MALT1: variants seen among roughly 807,000 people sequenced by gnomAD.
The protein encoded by MALT1 is MALT1 paracaspase.
In MALT1, 36 loss-of-function variants were observed where a neutral mutation model predicts 85.5. That is an observed-to-expected ratio of 0.42 (90% CI 0.32 to 0.56). MALT1 has a LOEUF of 0.56. MALT1 is among the 20% of genes least tolerant of loss of function. MALT1 has a pLI of 0.10. For synonymous variants in MALT1, 359 were observed against 361.3 expected, an observed-to-expected ratio of 0.99 and a Z score of 0.07; for missense variants, 716 against 981.6, an observed-to-expected ratio of 0.73 and a Z score of 3.62.
chr18:58,679,954 C>T (rs1186481127), intron 1 of MALT1, among the ~76,000 whole-genome samples: 4 of 151,866 alleles, frequency 2.6e-5, no homozygotes, highest in African/African-American at 7.3e-5. Flanking sequence ...GAGGCAGAGG[C>T]AGGATTATTG....
At chr18:58,710,410 G>A (rs1242290673) in intron 6 of MALT1, among the ~76,000 whole-genome samples, 4 of 152,154 alleles carry the variant, frequency 2.6e-5, no homozygotes, top group African/African-American at 7.2e-5. Flanking sequence ...TTGGCCAGGT[G>A]CAGTGGCTCA....
At chr18:58,713,707 C>G (rs1379240053) in intron 7 of MALT1, among the ~76,000 whole-genome samples, 1 of 152,192 alleles carries the variant, frequency 6.6e-6, no homozygotes. Flanking sequence ...TAGGAACTCT[C>G]TCTGCACTAC....
intron 13 of MALT1, 103 bp downstream of exon 13, chr18:58,735,432 G>T (rs2055210509): frequency 3.1e-6 from 4 of 1,288,266 alleles, no homozygotes; most frequent in Non-Finnish European, 4.1e-6. Flanking sequence ...CTTATTATGT[G>T]GGTTTGGAAT....
intron 13 of MALT1, among the ~76,000 whole-genome samples, chr18:58,740,424 T>G (rs1465372896): frequency 6.6e-6 from 1 of 152,172 alleles, no homozygotes; most frequent in Non-Finnish European, 1.5e-5. Context: ...TTTTTCCAAT[T>G]TAAGTTTCTA....
Position 58,744,344 on chromosome 18 carries a change from C to G in MALT1, c.1760C>G (p.Pro587Arg). The G allele has an allele frequency of 6.3e-7, 1 of 1,586,856 alleles. No homozygotes were observed. The highest frequency in any genetic ancestry group is 8.6e-7 in the Non-Finnish European group (1 of 1,167,396). The stretch of plus-strand genomic sequence containing the variant: ...TCTTATTGTTCTTTTTCAGAACTTC[C>G]AGAAAGTATGTGTCTTAAGTTTGAC... ...NLQWAKAHEL[P>R]ESMCLKFDCG... Residue 587 changes from proline (P) to arginine (R), a missense_variant, in exon 15 of 17, where the codon CCA becomes CGA. Around this residue, in one of 4 missense-constraint regions of MALT1, gnomAD observed 260 missense variants for 323.7 expected, o/e 0.80. Transcript: ENST00000649217.
intron 2 of MALT1, among the ~76,000 whole-genome samples, chr18:58,688,536 CAAAAA>C (rs552838701): frequency 3.3e-5 from 2 of 61,404 alleles, no homozygotes; most frequent in African/African-American, 4.7e-5. Flanking sequence ...CCTGTTTCTA[CAAAAA>C]AAAAAAAAAA....
At chr18:58,727,963 G>A (rs371857350) in intron 10 of MALT1, among the ~76,000 whole-genome samples, 4 of 149,296 alleles carry the variant, frequency 2.7e-5, no homozygotes, top group Admixed American at 1.3e-4. Flanking sequence ...TCTTGGAACC[G>A]TGCCTGGCAC....
chr18:58,739,783 C>T lies in MALT1; in HGVS notation c.1604-2082C>T, dbSNP rs556091662. 1.3e-3 allele frequency among the ~76,000 whole-genome samples: 189 copies of T among 146,316 alleles called. 1 individual carries two copies. Among genetic ancestry groups the T allele is most frequent in the Non-Finnish European group, 1.8e-3 (121 of 67,034 alleles). On this transcript the variant is annotated intron_variant, in intron 13 of 16. Transcript: ENST00000649217. The stretch of plus-strand genomic sequence containing the variant: ...CAATACCTTAAGTCAGTCCCTTCTT[C>T]TCACTGTCCCTCTATGTACACACAT...
At chr18:58,739,108 A>C (rs567810803) in intron 13 of MALT1, among the ~76,000 whole-genome samples, 2 of 152,252 alleles carry the variant, frequency 1.3e-5, no homozygotes, top group Admixed American at 1.3e-4. Context: ...CTTTTCTTTC[A>C]ATTTCTTAAT....
At chr18:58,694,587 T>A (rs898083940) in intron 2 of MALT1, among the ~76,000 whole-genome samples, 5 of 152,250 alleles carry the variant, frequency 3.3e-5, no homozygotes, top group African/African-American at 9.6e-5. Context: ...AATTACAACT[T>A]TTGCAAATGT....
intron 9 of MALT1, among the ~76,000 whole-genome samples, chr18:58,721,327 C>CT: frequency 6.6e-6 from 1 of 152,308 alleles, no homozygotes; most frequent in Admixed American, 6.5e-5. Flanking sequence ...TTGCAGTGAG[C>CT]TGAGATCATG....
At chr18:58,709,008 C>T (rs1362071070) in intron 4 of MALT1, among the ~76,000 whole-genome samples, 1 of 152,186 alleles carries the variant, frequency 6.6e-6, no homozygotes, top group African/African-American at 2.4e-5. Flanking sequence ...ATGCCAATAT[C>T]GTTCAAGATG....
At chr18:58,708,229 C>A (rs1020626872) in intron 4 of MALT1, among the ~76,000 whole-genome samples, 1 of 152,228 alleles carries the variant, frequency 6.6e-6, no homozygotes, top group African/African-American at 2.4e-5. Context: ...TCTCCTCCTT[C>A]GCCTTCTGCA....
intron 14 of MALT1, among the ~76,000 whole-genome samples, chr18:58,742,583 C>T (rs964597594): frequency 6.6e-6 from 1 of 152,170 alleles, no homozygotes; most frequent in African/African-American, 2.4e-5. Context: ...TGGCACGTGC[C>T]TGTAATCCCA....
chr18:58,721,261 C>T (rs901202280), intron 9 of MALT1, among the ~76,000 whole-genome samples: 3 of 152,110 alleles, frequency 2.0e-5, no homozygotes, highest in East Asian at 3.8e-4. Flanking sequence ...TGCCTGTAAT[C>T]CCAGCTACTC....
intron 2 of MALT1, chr18:58,691,320 C>T: frequency 1.2e-6 from 1 of 838,780 alleles, no homozygotes; most frequent in Admixed American, 2.0e-5. Flanking sequence ...TCAACCAGAT[C>T]AGCTGTGGGC....
rs1391256986 is a variant in MALT1, at chr18:58,734,034, G to T, written c.1401-273G>T. 4.0e-6 allele frequency: 5 copies of T among 1,257,420 alleles called. No individual in the cohort carries two copies. The African/African-American group carries it at 7.5e-5, about 19-fold the overall frequency. 77.9% of individuals were successfully genotyped at this position (1,257,420 alleles called of 1,614,324 possible). On this transcript the variant is annotated intron_variant, in intron 11 of 16. Transcript: ENST00000649217. ...TTTCTAAGGAGTAGAACCAATGACT[G>T]TTCCTCTAGATTTACTATTTTTTTG...
intron 10 of MALT1, among the ~76,000 whole-genome samples, chr18:58,728,637 T>G (rs745796750): frequency 1.1e-4 from 16 of 152,148 alleles, no homozygotes; most frequent in Non-Finnish European, 2.1e-4. Context: ...TTTAAAAAAA[T>G]GATTTGGACT....
chr18:58,677,335 T>G (rs2054256398), intron 1 of MALT1, among the ~76,000 whole-genome samples: 1 of 152,186 alleles, frequency 6.6e-6, no homozygotes, highest in Admixed American at 6.5e-5. Flanking sequence ...AATATAGACA[T>G]TAATTAAAGC....
Sources: allele counts gnomAD v4.1 joint callset (sites outside exome capture counted in the v4.1 genomes callset), GRCh38; gene constraint gnomAD v4.1.1; regional missense constraint gnomAD v4.1.1; transcripts MANE v1.5; gene names NCBI Gene and HGNC (gene_info 2026-07-23, HGNC 2026-07-21).